DYNC1H1: variants seen among roughly 807,000 people sequenced by gnomAD.
DYNC1H1 encodes dynein cytoplasmic 1 heavy chain 1, also known as cytoplasmic dynein 1 heavy chain 1.
A neutral mutation model predicts 527.1 loss-of-function variants in DYNC1H1; 51 were observed. The observed-to-expected ratio is 0.10, with a 90% confidence interval of 0.08 to 0.12. The LOEUF (loss-of-function observed/expected upper bound fraction) is 0.12. Ranked by LOEUF, DYNC1H1 falls within the 10% of genes least tolerant of loss-of-function variation. The probability of loss-of-function intolerance (pLI) is 1.00; values close to 1 mark genes in which losing one functional copy is unlikely to be tolerated. For synonymous variants in DYNC1H1, 2,189 were observed against 2,278.8 expected (o/e 0.96, Z 1.12); for missense variants, 2,771 against 5,971.8 (o/e 0.46, Z 17.66).
At position 102,015,046 on chromosome 14, in the gene DYNC1H1, T is replaced by G; in HGVS notation, c.7015-59T>G. 6.3e-7 allele frequency: 1 copy of G among 1,591,974 alleles called. No individual in the cohort carries two copies. Among genetic ancestry groups the G allele is most frequent in the Non-Finnish European group, 8.6e-7 (1 of 1,160,476 alleles). Reference sequence around the variant, plus strand: ...AGTGTATATATAGGTAAAAGAATCTTAATGTCCAGGTTTCTTCCAAACCTA... The same window carrying G: ...AGTGTATATATAGGTAAAAGAATCTGAATGTCCAGGTTTCTTCCAAACCTA... On this transcript the variant is annotated intron_variant, in intron 34 of 77. Coordinates refer to ENST00000360184, the MANE Select transcript of DYNC1H1 (RefSeq NM_001376.5). The surrounding 1 kb of genome is among the most constrained non-coding windows in gnomAD (Gnocchi z 6.9).
chr14:102,013,764 G>A (rs1194592788), intron 34 of DYNC1H1, among the ~76,000 whole-genome samples: 1 of 152,214 alleles, frequency 6.6e-6, no homozygotes, highest in African/African-American at 2.4e-5. Context: ...GAAGAGGGCA[G>A]GGTGAAAGCC....
intron 15 of DYNC1H1, among the ~76,000 whole-genome samples, chr14:101,996,165 T>C (rs2048059685): frequency 6.6e-6 from 1 of 151,346 alleles, no homozygotes; most frequent in African/African-American, 2.4e-5. Flanking sequence ...AGTCTCGCTC[T>C]GTCACCCAGG....
chr14:102,012,259 C>T lies in DYNC1H1; in HGVS notation c.6858-55C>T. ...CAGAAACCATCATCGGTAAACATGC[C>T]TAATGTTAAAATCTTGATTTAATCA... On this transcript the variant is annotated intron_variant, in intron 33 of 77. Coordinates refer to ENST00000360184, the MANE Select transcript of DYNC1H1 (RefSeq NM_001376.5). The surrounding 1 kb of genome is among the most constrained non-coding windows in gnomAD (Gnocchi z 4.9). 6.2e-7 allele frequency: 1 copy of T among 1,613,740 alleles called. No individual in the cohort carries two copies.
chr14:102,004,926 C>A lies in DYNC1H1; in HGVS notation c.5214C>A (p.Tyr1738Ter). ...GKATSIDPNTYITWIDKYQAQ... is the reference protein window; with the variant it reads ...GKATSIDPNT ...CAACTTCAATTGACCCAAATACCTA[C>A]ATCACTTGGATTGATAAATACCAGG... Residue 1738 changes from tyrosine to a stop codon, truncating the protein, a stop_gained, in exon 25 of 78, where the codon TAC becomes TAA. Coordinates refer to ENST00000360184, the MANE Select transcript of DYNC1H1 (RefSeq NM_001376.5). LOFTEE classifies it high-confidence loss of function. 6.2e-7 allele frequency: 1 copy of A among 1,614,212 alleles called. No individual in the cohort carries two copies. The highest frequency in any genetic ancestry group is 8.5e-7 in the Non-Finnish European group (1 of 1,180,038).
chr14:102,045,079 G>C (rs1324256510), intron 72 of DYNC1H1: 1 of 285,566 alleles, frequency 3.5e-6, no homozygotes, highest in Non-Finnish European at 6.9e-6. Context: ...AAGGCGGGCA[G>C]ATCACTCGAG....
intron 15 of DYNC1H1, 94 bp downstream of exon 15, chr14:101,995,394 G>A (rs574085604): frequency 1.1e-5 from 16 of 1,464,006 alleles, no homozygotes; most frequent in South Asian, 8.0e-5. Flanking sequence ...GGCGGATCAC[G>A]AGGTCAGGAG....
At chr14:102,008,959 G>A (rs549379958) in intron 29 of DYNC1H1, among the ~76,000 whole-genome samples, 1 of 152,288 alleles carries the variant, frequency 6.6e-6, no homozygotes, top group African/African-American at 2.4e-5. Flanking sequence ...CATGGTCTTT[G>A]CCACGGGATG....
chr14:102,001,467 C>G lies in DYNC1H1; in HGVS notation c.4396-68C>G. ...TGTGGTCCTTTTGGTTCTTATAATG[C>G]TGGGTCCCTTGTGCAGGTAGTGAAT... On this transcript the variant is annotated intron_variant, in intron 20 of 77. Coordinates refer to ENST00000360184, the MANE Select transcript of DYNC1H1 (RefSeq NM_001376.5). The surrounding 1 kb of genome is among the most constrained non-coding windows in gnomAD (Gnocchi z 5.0). 1.2e-6 allele frequency: 2 copies of G among 1,613,372 alleles called. No homozygotes were observed. Among genetic ancestry groups the G allele is most frequent in the Non-Finnish European group, 1.7e-6 (2 of 1,179,400 alleles).
intron 1 of DYNC1H1, among the ~76,000 whole-genome samples, chr14:101,971,136 C>T (rs1431873153): frequency 1.6e-5 from 2 of 126,378 alleles, no homozygotes; most frequent in Non-Finnish European, 3.2e-5. Context: ...CTTGCTCTGT[C>T]GCCCAGGCTG....
chr14:101,988,394 C>T (rs1388110641), intron 9 of DYNC1H1, among the ~76,000 whole-genome samples: 4 of 152,308 alleles, frequency 2.6e-5, no homozygotes, highest in South Asian at 2.1e-4. Flanking sequence ...TACCAATCCA[C>T]GCCTTTTCCC....
Position 102,015,003 on chromosome 14 carries a change from G to A in DYNC1H1, c.7015-102G>A. The A allele has an allele frequency of 1.4e-6, 2 of 1,397,174 alleles. No individual in the cohort carries two copies. Among genetic ancestry groups the A allele is most frequent in the Non-Finnish European group, 1.0e-6 (1 of 996,800 alleles). The allele number at this position is 1,397,174 out of a possible 1,614,324, so 86.5% of individuals were successfully genotyped here. A position where few individuals can be genotyped will look rare whatever the true frequency, so the allele number is the denominator to read the frequency against. On this transcript the variant is annotated intron_variant, in intron 34 of 77. Transcript: ENST00000360184. The surrounding 1 kb of genome is among the most constrained non-coding windows in gnomAD (Gnocchi z 6.9). ...GCTACTTTCTGTATAGGAAAATTAA[G>A]TTTAAAGTCACCCTTTCAGTGTATA...
At position 102,006,930 on chromosome 14, in the gene DYNC1H1, T is replaced by C. The variant is rs2048203956; in HGVS notation, c.5717-78T>C. On this transcript the variant is annotated intron_variant, in intron 27 of 77. Coordinates refer to ENST00000360184, the MANE Select transcript of DYNC1H1 (RefSeq NM_001376.5). ...TTGGATTTTTTAAATGAGTTGCTTT[T>C]TGTAGTTCTTTTAAAGCTAAAGATA... 5.3e-6 allele frequency: 8 copies of C among 1,505,722 alleles called. No individual in the cohort carries two copies. The East Asian group carries it at 1.8e-4, about 34-fold the overall frequency. 93.3% of individuals were successfully genotyped at this position (1,505,722 alleles called of 1,614,324 possible). A position where few individuals can be genotyped will look rare whatever the true frequency, so the allele number is the denominator to read the frequency against.
Position 102,048,575 on chromosome 14 carries a change from C to T in DYNC1H1, c.13278C>T (p.Asp4426=), listed in dbSNP as rs777098264. Residue 4426 remains aspartate (D), a synonymous_variant, in exon 74 of 78, where the codon GAC becomes GAT. Coordinates refer to ENST00000360184, the MANE Select transcript of DYNC1H1 (RefSeq NM_001376.5). The part of the protein sequence containing the change: ...EVKMGAKLLQ[D]VRQDLADVVQ... ...AGATGGGCGCAAAGCTGCTTCAGGA[C>T]GTTCGCCAGGACCTTGCAGATGTCG... The T allele has an allele frequency of 6.8e-6, 11 of 1,614,088 alleles. No homozygotes were observed. Among genetic ancestry groups the T allele is most frequent in the African/African-American group, 2.7e-5 (2 of 74,942 alleles).
chr14:102,025,846 G>A (rs181308588), intron 43 of DYNC1H1, among the ~76,000 whole-genome samples: 16 of 151,312 alleles, frequency 1.1e-4, no homozygotes, highest in African/African-American at 2.9e-4. Context: ...GGCCAGGTGC[G>A]GTGGCTCACG....
intron 9 of DYNC1H1, 136 bp from the exon 10 acceptor site, chr14:101,988,567 T>G: frequency 8.8e-7 from 1 of 1,137,688 alleles, no homozygotes; most frequent in Non-Finnish European, 1.3e-6. Context: ...AGTGAGATTC[T>G]GAGAAGAGAG....
chr14:101,985,827 T>C lies in DYNC1H1; in HGVS notation c.1602T>C (p.Asp534=), dbSNP rs1407361267. 6.2e-7 allele frequency: 1 copy of C among 1,614,146 alleles called. No individual in the cohort carries two copies. Among genetic ancestry groups the C allele is most frequent in the East Asian group, 2.2e-5 (1 of 44,872 alleles). ...CTTATGAGAACGTCAAGGAAGTGGA[T>C]GGACTGGATGTTTCCAAAGAGGGCA... ...NLAYENVKEV[D]GLDVSKEGTE... Residue 534 remains aspartate, a synonymous_variant, in exon 8 of 78, where the codon GAT becomes GAC. Coordinates refer to ENST00000360184, the MANE Select transcript of DYNC1H1 (RefSeq NM_001376.5). This position sits in a 1 kb window ranked among gnomAD's most constrained non-coding sequence, Gnocchi z 5.9.
Position 102,002,505 on chromosome 14 carries a change from C to T in DYNC1H1, c.4543-32C>T, listed in dbSNP as rs2048143886. On this transcript the variant is annotated intron_variant, in intron 21 of 77. Coordinates refer to ENST00000360184, the MANE Select transcript of DYNC1H1 (RefSeq NM_001376.5). This position sits in a 1 kb window ranked among gnomAD's most constrained non-coding sequence, Gnocchi z 4.4. The stretch of plus-strand genomic sequence containing the variant: ...GCATATCTGTGAGTAGAAGGGTCAG[C>T]AGTTTACCTCTCCCTCCTGTCTGCC... 3.1e-6 allele frequency: 5 copies of T among 1,613,274 alleles called. No individual in the cohort carries two copies. Among genetic ancestry groups the T allele is most frequent in the Non-Finnish European group, 3.4e-6 (4 of 1,179,706 alleles).
At position 102,012,140 on chromosome 14, in the gene DYNC1H1, G is replaced by A. The variant is rs762368973; in HGVS notation, c.6857+27G>A. ...TACGTCTTCTTTGATCTGTGTTTGT[G>A]TTCTCCTGGATATGGGCGCTAAGTA... On this transcript the variant is annotated intron_variant, in intron 33 of 77. Transcript: ENST00000360184. The surrounding 1 kb of genome is among the most constrained non-coding windows in gnomAD (Gnocchi z 4.9). 3.1e-6 allele frequency: 5 copies of A among 1,613,662 alleles called. No homozygotes were observed. The Admixed American group carries it at 8.3e-5, about 27-fold the overall frequency.
At chr14:101,988,662 T>C in intron 9 of DYNC1H1, 41 bp from the exon 10 acceptor site, 1 of 1,613,716 alleles carries the variant, frequency 6.2e-7, no homozygotes, top group Non-Finnish European at 8.5e-7. Flanking sequence ...TGAGCTAACT[T>C]TTAGAAGAAA....
Sources: allele counts gnomAD v4.1 joint callset (sites outside exome capture counted in the v4.1 genomes callset), GRCh38; gene constraint gnomAD v4.1.1; non-coding constraint Gnocchi (gnomAD v3.1); transcripts MANE v1.5; gene names NCBI Gene and HGNC (gene_info 2026-07-23, HGNC 2026-07-21).